The following TPO variants were observed in gnomAD, a reference collection of about 807,000 sequenced individuals.
TPO encodes the protein thyroid microsomal antigen.
A neutral mutation model predicts 96.9 loss-of-function variants in TPO; 78 were observed. The observed-to-expected ratio is 0.81, with a 90% CI of 0.67 to 0.97. The LOEUF (loss-of-function observed/expected upper bound fraction) is 0.97, where lower values mean the gene tolerates loss of function less well. Among genes scored for constraint, TPO ranks in the 50% least tolerant of loss-of-function variants. TPO has a pLI of 0.00. For synonymous variants in TPO, 547 were observed against 538.0 expected (o/e 1.02, Z -0.23); for missense variants, 1,252 against 1,274.8 (o/e 0.98, Z 0.27).
chr2:1,400,303 G>C (rs1662147015), intron 1 of TPO, among the ~76,000 whole-genome samples: 1 of 152,088 alleles, frequency 6.6e-6, no homozygotes, highest in South Asian at 2.1e-4. Flanking sequence ...GACCAGCCTG[G>C]CCAACATGGT....
chr2:1,451,665 C>A (rs1254607116), intron 5 of TPO, among the ~76,000 whole-genome samples: 1 of 152,214 alleles, frequency 6.6e-6, no homozygotes, highest in Admixed American at 6.5e-5. Flanking sequence ...ACACACAGAA[C>A]CTCAGTGCTG....
intron 5 of TPO, among the ~76,000 whole-genome samples, chr2:1,442,425 A>G (rs1321855339): frequency 1.3e-5 from 2 of 152,218 alleles, no homozygotes; most frequent in Non-Finnish European, 2.9e-5. Context: ...TACCACATGC[A>G]ATGTTAGACA....
rs775473154 is a variant in TPO at position 1,504,059 on chromosome 2, A to G, written c.2498A>G (p.Asp833Gly). Residue 833 changes from aspartate (D) to glycine (G), a missense_variant, in exon 14 of 17, where the codon GAC (aspartate) becomes GGC (glycine). Asp to Gly is a moderately conservative substitution (Grantham distance 94). Coordinates refer to ENST00000329066, the MANE Select transcript of TPO (RefSeq NM_001206744.2). The part of the protein sequence containing the change: ...CLCADPYELG[D>G]DGRTCVDSGR... ...TGCGCGGACCCCTACGAGTTAGGAGACGATGGGAGAACCTGCGTAGGTGAG... is the reference window on the plus strand; with the variant it reads ...TGCGCGGACCCCTACGAGTTAGGAGGCGATGGGAGAACCTGCGTAGGTGAG... 1.2e-6 allele frequency: 2 copies of G among 1,614,118 alleles called. No homozygotes were observed. Among genetic ancestry groups the G allele is most frequent in the South Asian group, 2.2e-5 (2 of 91,082 alleles).
chr2:1,442,839 A>C (rs1219297627), intron 5 of TPO, among the ~76,000 whole-genome samples: 1 of 152,216 alleles, frequency 6.6e-6, no homozygotes, highest in Admixed American at 6.5e-5. Flanking sequence ...AATGATACAA[A>C]GGTCAGTGAT....
chr2:1,429,866 C>A (rs760286313), intron 3 of TPO, among the ~76,000 whole-genome samples: 1 of 152,040 alleles, frequency 6.6e-6, no homozygotes, highest in Non-Finnish European at 1.5e-5. Flanking sequence ...GATATGAGAG[C>A]AAAGAAATGA....
At position 1,540,651 on chromosome 2, in the gene TPO, C is replaced by T. The variant is rs757912778; in HGVS notation, c.2676C>T (p.Pro892=). 5.0e-6 allele frequency: 8 copies of T among 1,613,398 alleles called. No homozygotes were observed. Among genetic ancestry groups the T allele is most frequent in the East Asian group, 2.2e-5 (1 of 44,876 alleles). The stretch of plus-strand genomic sequence containing the variant: ...TCTCGGAGACAGGCGGAGGAACTCC[C>T]GAGCTGAGATGCGGAAAGCACCAGG... ...LPISETGGGT[P]ELRCGKHQAV... is the part of the protein sequence containing the mutation. Residue 892 remains proline (P), a synonymous_variant, in exon 16 of 17, where the codon CCC becomes CCT. Coordinates refer to ENST00000329066, the MANE Select transcript of TPO (RefSeq NM_001206744.2).
intron 1 of TPO, among the ~76,000 whole-genome samples, chr2:1,404,535 G>A (rs958530974): frequency 1.6e-4 from 24 of 152,280 alleles, no homozygotes; most frequent in Middle Eastern, 6.8e-3. Context: ...CATACAACTG[G>A]TGTCTTTAAT....
At position 1,527,766 on chromosome 2, in the gene TPO, C is replaced by T. The variant is rs542446953; in HGVS notation, c.2618+10784C>T. Among the ~76,000 whole-genome samples, 327 of 142,146 alleles carry T rather than the reference C, an allele frequency of 2.3e-3. 4 individuals are homozygous for T. Among genetic ancestry groups the T allele is most frequent in the Non-Finnish European group, 4.1e-3 (269 of 65,984 alleles). 93.3% of individuals were successfully genotyped at this position (142,146 alleles called of 152,430 possible). A position where few individuals can be genotyped will look rare whatever the true frequency, so the allele number is the denominator to read the frequency against. On this transcript the variant is annotated intron_variant, in intron 15 of 16. Coordinates refer to ENST00000329066, the MANE Select transcript of TPO (RefSeq NM_001206744.2). ...CCCACTCTGGGCAACCTCCCCAAAT[C>T]CCCCCCACTCTGTGCAACCTCCCAA...
intron 5 of TPO, among the ~76,000 whole-genome samples, chr2:1,445,401 T>C (rs1358419568): frequency 2.9e-5 from 2 of 68,344 alleles, no homozygotes; most frequent in African/African-American, 1.2e-4. Flanking sequence ...GATCCAGTCA[T>C]TGCTGCAGGA....
rs28909386 is a variant in TPO, at chr2:1,436,527, A to G, written c.482+143A>G. The G allele has an allele frequency of 0.25, 317,980 of 1,286,728 alleles. 41,957 individuals are homozygous for G. Among genetic ancestry groups the G allele is most frequent in the South Asian group, 0.39 (30,336 of 78,174 alleles). 79.7% of individuals were successfully genotyped at this position (1,286,728 alleles called of 1,614,324 possible). ...GGTTCCTGTCCTTGGCCTCCCCGAC[A>G]TGGCCTCCTGCATGCCTGGTGGTGC... On this transcript the variant is annotated intron_variant, in intron 5 of 16. Coordinates refer to ENST00000329066, the MANE Select transcript of TPO (RefSeq NM_001206744.2).
At chr2:1,526,932 T>C (rs1278413765) in intron 15 of TPO, among the ~76,000 whole-genome samples, 17 of 140,808 alleles carry the variant, frequency 1.2e-4, no homozygotes, top group African/African-American at 4.6e-4. Context: ...CCCTCCACTC[T>C]GTGCAACCTC....
At chr2:1,517,872 GC>G (rs1290361710) in intron 15 of TPO, among the ~76,000 whole-genome samples, 1 of 152,170 alleles carries the variant, frequency 6.6e-6, no homozygotes, top group Non-Finnish European at 1.5e-5. Flanking sequence ...GGCCCCCAGG[GC>G]CATGCCCAGG....
At chr2:1,488,794 G>T (rs1446432291) in intron 10 of TPO, among the ~76,000 whole-genome samples, 1 of 152,172 alleles carries the variant, frequency 6.6e-6, no homozygotes, top group Admixed American at 6.5e-5. Flanking sequence ...GCCTTCCTCT[G>T]TCCCCTGGCC....
At chr2:1,509,440 A>G (rs1673838513) in intron 14 of TPO, among the ~76,000 whole-genome samples, 1 of 148,066 alleles carries the variant, frequency 6.8e-6, no homozygotes, top group Non-Finnish European at 1.5e-5. Flanking sequence ...CAGGGACACC[A>G]CATCCTCCTG....
At chr2:1,436,114 T>A in intron 4 of TPO, 138 bp from the exon 5 acceptor site, 1 of 1,331,912 alleles carries the variant, frequency 7.5e-7, no homozygotes, top group Non-Finnish European at 1.1e-6. Context: ...GAAGGCAGAT[T>A]TTCTCAAAAA....
intron 5 of TPO, among the ~76,000 whole-genome samples, chr2:1,452,722 A>G (rs28909668): frequency 0.13 from 20,091 of 152,230 alleles, 1,602 homozygotes; most frequent in East Asian, 0.27. Flanking sequence ...ATTGTCCTCC[A>G]AATTTCTAAA....
chr2:1,479,298 C>A (rs1670311693), intron 8 of TPO, among the ~76,000 whole-genome samples: 2 of 152,208 alleles, frequency 1.3e-5, no homozygotes, highest in Admixed American at 6.5e-5. Context: ...TCCCTGACTG[C>A]GACCTCCACG....
chr2:1,450,939 T>C (rs1042004301), intron 5 of TPO, among the ~76,000 whole-genome samples: 8 of 152,194 alleles, frequency 5.3e-5, no homozygotes, highest in African/African-American at 1.9e-4. Context: ...TGCATTACTC[T>C]CCCATACATT....
chr2:1,534,024 A>C (rs1221687611), intron 15 of TPO, among the ~76,000 whole-genome samples: 118 of 37,580 alleles, frequency 3.1e-3, no homozygotes, highest in East Asian at 8.5e-3. Context: ...ATCCCCCCCA[A>C]TCTGTGCAAC....
Sources: gnomAD v4.1 joint callset for allele counts (sites outside exome capture counted in the v4.1 genomes callset) on GRCh38, gnomAD v4.1.1 for gene constraint, MANE v1.5 for transcripts, NCBI Gene and HGNC (gene_info 2026-07-23, HGNC 2026-07-21) for gene names.